Variants in PTPRU observed in about 807,000 individuals in gnomAD.
PTPRU encodes protein tyrosine phosphatase receptor type U.
A neutral mutation model predicts 166.3 loss-of-function variants in PTPRU; 69 were observed. The observed-to-expected ratio is 0.41, with a 90% CI of 0.34 to 0.51. The LOEUF (loss-of-function observed/expected upper bound fraction) is 0.51. Among genes scored for constraint, PTPRU ranks in the 20% least tolerant of loss-of-function variants. The pLI is 0.09. For missense variants in PTPRU, 1,657 were observed against 2,013.7 expected (o/e 0.82, Z 3.39); for synonymous variants, 793 against 814.0 (o/e 0.97, Z 0.44).
intron 18 of PTPRU, among the ~76,000 whole-genome samples, chr1:29,309,506 C>T (rs573438778): frequency 6.6e-6 from 1 of 152,082 alleles, no homozygotes; most frequent in East Asian, 1.9e-4. Flanking sequence ...ACACTTGATT[C>T]ATTTGTATCT....
At position 29,260,057 on chromosome 1, in the gene PTPRU, A is replaced by G. The variant is rs1193780380; in HGVS notation, c.850+13A>G. 8.1e-7 allele frequency: 1 copy of G among 1,238,072 alleles called. No individual in the cohort carries two copies. Among genetic ancestry groups the G allele is most frequent in the Non-Finnish European group, 1.0e-6 (1 of 982,500 alleles). The allele number at this position is 1,238,072 out of a possible 1,614,324, so 76.7% of individuals were successfully genotyped here. ...CTCATCGTCAAGGGTCAGCTGGTGG[A>G]CGCCGGGGAGCGCCGGGACCTCACC... On this transcript the variant is annotated intron_variant, in intron 6 of 29. Coordinates refer to ENST00000373779, the MANE Select transcript of PTPRU (RefSeq NM_133178.4). The surrounding 1 kb of genome is among the most constrained non-coding windows in gnomAD (Gnocchi z 8.3).
intron 11 of PTPRU, 78 bp from the exon 12 acceptor site, chr1:29,282,598 C>T: frequency 6.6e-7 from 1 of 1,509,928 alleles, no homozygotes; most frequent in Non-Finnish European, 8.9e-7. Context: ...ACCACAAAGC[C>T]CATGCCTTTA....
chr1:29,260,128 GTGGCC>G lies in PTPRU; in HGVS notation c.850+85_850+89del. ...ACGGGGGCGGGCTCTGCCCGGGGGC[GTGGCC>G]GTGGGGGGTGGGGCCGGCAGGGTGT... On this transcript the variant is annotated intron_variant, in intron 6 of 29. Transcript: ENST00000373779. The surrounding 1 kb of genome is among the most constrained non-coding windows in gnomAD (Gnocchi z 8.3). 23 of 1,266,420 alleles carry G rather than the reference GTGGCC, an allele frequency of 1.8e-5. No individual in the cohort carries two copies. Among genetic ancestry groups the G allele is most frequent in the East Asian group, 9.9e-5 (3 of 30,374 alleles). The allele number at this position is 1,266,420 out of a possible 1,614,324, so 78.4% of individuals were successfully genotyped here.
At chr1:29,249,983 A>G (rs974312790) in intron 1 of PTPRU, among the ~76,000 whole-genome samples, 4 of 152,132 alleles carry the variant, frequency 2.6e-5, no homozygotes. Context: ...GCTTTAGCCA[A>G]CCTGGGCTCC....
intron 12 of PTPRU, chr1:29,283,707 T>C: frequency 1.9e-6 from 1 of 538,134 alleles, no homozygotes; most frequent in South Asian, 2.6e-5. Context: ...AAGACGTTTG[T>C]TTCTCTTTTG....
At position 29,291,850 on chromosome 1, in the gene PTPRU, C is replaced by T. The variant is rs895133070; in HGVS notation, c.2319-19C>T. ...AGCCCCACACAATGCCTGTGTCTCC[C>T]CTCAACCCCCCTCTCCAGGAAGCCG... On this transcript the variant is annotated intron_variant, in intron 14 of 29. Coordinates refer to ENST00000373779, the MANE Select transcript of PTPRU (RefSeq NM_133178.4). This position sits in a 1 kb window ranked among gnomAD's most constrained non-coding sequence, Gnocchi z 4.1. The T allele has an allele frequency of 1.9e-6, 3 of 1,612,472 alleles. No individual in the cohort carries two copies. Among genetic ancestry groups the T allele is most frequent in the Middle Eastern group, 1.6e-4 (1 of 6,084 alleles).
chr1:29,251,681 A>G (rs1684550238), intron 1 of PTPRU, among the ~76,000 whole-genome samples: 1 of 152,144 alleles, frequency 6.6e-6, no homozygotes, highest in Non-Finnish European at 1.5e-5. Flanking sequence ...CTGGCTCAGG[A>G]TGAACAAGAG....
In PTPRU at chr1:29,311,460, G is replaced by A. The variant is rs979844649; in HGVS notation, c.2862G>A (p.Pro954=). Residue 954 remains proline (P), a synonymous_variant, in exon 20 of 30, where the codon CCG becomes CCA. Transcript: ENST00000373779. The surrounding 1 kb of genome is among the most constrained non-coding windows in gnomAD (Gnocchi z 4.1). Reference sequence around the variant, plus strand: ...ACCCTCTGCCTGCATCCCCAGGGCCGAAGCCTGAGATGGTCTATGACTTCT... The same window carrying A: ...ACCCTCTGCCTGCATCCCCAGGGCCAAAGCCTGAGATGGTCTATGACTTCT... ...RSNHFIATQG[P]KPEMVYDFWR... 8 of 1,614,006 alleles carry A rather than the reference G, an allele frequency of 5.0e-6. No individual in the cohort carries two copies. The highest frequency in any genetic ancestry group is 4.0e-5 in the African/African-American group (3 of 74,948).
chr1:29,323,506 C>G lies in PTPRU; in HGVS notation c.3954+10C>G, dbSNP rs1688259925. 1 of 1,611,232 alleles carries G rather than the reference C, an allele frequency of 6.2e-7. No homozygotes were observed. ...GCAGAACATCTCTCGGGTGAGTGGT[C>G]TGAGGAGCCCCAGGGAAGGACCCTG... On this transcript the variant is annotated intron_variant, in intron 27 of 29. Coordinates refer to ENST00000373779, the MANE Select transcript of PTPRU (RefSeq NM_133178.4).
intron 1 of PTPRU, among the ~76,000 whole-genome samples, chr1:29,252,611 G>A (rs1684604438): frequency 6.6e-6 from 1 of 152,116 alleles, no homozygotes; most frequent in African/African-American, 2.4e-5. Flanking sequence ...CCGCATCACC[G>A]CCTAGAGGAG....
intron 22 of PTPRU, among the ~76,000 whole-genome samples, chr1:29,313,659 C>T (rs72886211): frequency 0.015 from 2,241 of 152,194 alleles, 67 homozygotes; most frequent in African/African-American, 0.052. Flanking sequence ...AGTTCGAGAC[C>T]AGCCTGGGCA....
At chr1:29,268,957 A>C (rs1420256951) in intron 7 of PTPRU, among the ~76,000 whole-genome samples, 3 of 149,860 alleles carry the variant, frequency 2.0e-5, no homozygotes, top group African/African-American at 4.9e-5. Context: ...CACTTGTACA[A>C]ATCTACACAG....
rs746498953 is a variant in PTPRU, at chr1:29,303,941, T to C, written c.2563T>C (p.Tyr855His). Residue 855 changes from tyrosine (Y) to histidine (H), a missense_variant, in exon 16 of 30, where the codon TAC becomes CAC. Around this residue, in one of 3 missense-constraint regions of PTPRU, gnomAD observed 1,190 missense variants for 1,477.4 expected, o/e 0.81. Coordinates refer to ENST00000373779, the MANE Select transcript of PTPRU (RefSeq NM_133178.4). ...RRPCGRKGSP[Y>H]HTGQLHPAVR... ...TCCCTGTGGCCGGAAGGGCTCCCCA[T>C]ACCACACGGGGCAGCTGCACCCTGC... The C allele has an allele frequency of 1.5e-5, 25 of 1,613,660 alleles. No homozygotes were observed. The highest frequency in any genetic ancestry group is 2.1e-5 in the Non-Finnish European group (25 of 1,179,526).
intron 1 of PTPRU, among the ~76,000 whole-genome samples, chr1:29,243,907 T>G (rs10799127): frequency 0.78 from 118,075 of 152,116 alleles, 46,047 homozygotes; most frequent in Middle Eastern, 0.87. Flanking sequence ...GGCTGCCATT[T>G]CCTGCAGAAT....
intron 1 of PTPRU, among the ~76,000 whole-genome samples, chr1:29,244,272 G>A (rs1684187978): frequency 6.6e-6 from 1 of 152,124 alleles, no homozygotes; most frequent in Admixed American, 6.5e-5. Flanking sequence ...GGTGACAGCT[G>A]AGGCCTGGGG....
chr1:29,245,757 A>G (rs1684267991), intron 1 of PTPRU, among the ~76,000 whole-genome samples: 1 of 152,176 alleles, frequency 6.6e-6, no homozygotes, highest in African/African-American at 2.4e-5. Flanking sequence ...TGCATTGGGA[A>G]GGTGAATTCT....
At chr1:29,267,833 C>G (rs149836295) in intron 7 of PTPRU, among the ~76,000 whole-genome samples, 1 of 152,134 alleles carries the variant, frequency 6.6e-6, no homozygotes, top group African/African-American at 2.4e-5. Flanking sequence ...GCAAAGGTGC[C>G]GCAGAGACCA....
chr1:29,249,291 A>G (rs543206548), intron 1 of PTPRU, among the ~76,000 whole-genome samples: 1 of 152,292 alleles, frequency 6.6e-6, no homozygotes, highest in African/African-American at 2.4e-5. Flanking sequence ...TGCCCCTTAC[A>G]TCACCCCATC....
intron 7 of PTPRU, among the ~76,000 whole-genome samples, chr1:29,266,523 G>A (rs1170996711): frequency 6.6e-6 from 1 of 152,192 alleles, no homozygotes; most frequent in African/African-American, 2.4e-5. Flanking sequence ...CACACTTTGG[G>A]AGACCCTTGA....
Sources: allele counts gnomAD v4.1 joint callset (sites outside exome capture counted in the v4.1 genomes callset), GRCh38; gene constraint gnomAD v4.1.1; regional missense constraint gnomAD v4.1.1; non-coding constraint Gnocchi (gnomAD v3.1); transcripts MANE v1.5; gene names NCBI Gene and HGNC (gene_info 2026-07-23, HGNC 2026-07-21).